CD86: variants seen among roughly 807,000 people sequenced by gnomAD.
CD86 encodes CD86 molecule.
In CD86, 11 loss-of-function variants were observed where a neutral mutation model predicts 32.1. That is an observed-to-expected ratio of 0.34 (90% CI 0.22 to 0.57). The LOEUF is 0.57. CD86 is among the 20% of genes least tolerant of loss of function. The probability of loss-of-function intolerance (pLI) is 0.86; values close to 1 mark genes in which losing one functional copy is unlikely to be tolerated. For missense variants in CD86, 359 were observed against 398.4 expected (o/e 0.90, Z 0.84); for synonymous variants, 137 against 135.3 (o/e 1.01, Z -0.09).
chr3:122,093,348 T>C (rs941263653), intron 2 of CD86, among the ~76,000 whole-genome samples: 2 of 152,158 alleles, frequency 1.3e-5, no homozygotes. Context: ...TAAATGCATA[T>C]ATACACACAG....
intron 5 of CD86, among the ~76,000 whole-genome samples, chr3:122,110,618 G>A (rs575305215): frequency 1.0e-3 from 155 of 152,288 alleles, no homozygotes; most frequent in African/African-American, 3.6e-3. Context: ...AAATTGGGGA[G>A]CAACGATCGA....
chr3:122,107,795 G>A (rs760534277), intron 4 of CD86, among the ~76,000 whole-genome samples: 1 of 152,172 alleles, frequency 6.6e-6, no homozygotes, highest in Non-Finnish European at 1.5e-5. Context: ...AACAGCCCAC[G>A]GGGCCAGTCC....
chr3:122,074,767 C>T (rs1490063035), intron 1 of CD86, among the ~76,000 whole-genome samples: 1 of 152,142 alleles, frequency 6.6e-6, no homozygotes, highest in African/African-American at 2.4e-5. Flanking sequence ...AGCCTGTCCT[C>T]CTCTGGTTGC....
At chr3:122,067,496 A>C (rs1481137309) in intron 1 of CD86, among the ~76,000 whole-genome samples, 1 of 152,272 alleles carries the variant, frequency 6.6e-6, no homozygotes, top group Non-Finnish European at 1.5e-5. Context: ...AGTCATCCCA[A>C]GAGACCAAAA....
chr3:122,090,911 TG>T (rs1407764079), intron 1 of CD86, among the ~76,000 whole-genome samples: 1 of 152,238 alleles, frequency 6.6e-6, no homozygotes, highest in East Asian at 1.9e-4. Context: ...TAAAAATTCA[TG>T]GGTTTCATCC....
intron 1 of CD86, among the ~76,000 whole-genome samples, chr3:122,078,557 C>T (rs990375797): frequency 1.2e-4 from 19 of 152,150 alleles, no homozygotes; most frequent in Non-Finnish European, 1.8e-4. Flanking sequence ...ATATTTCTTC[C>T]CATCCAAGTG....
chr3:122,119,243 G>T (rs1186280126), intron 6 of CD86, among the ~76,000 whole-genome samples, 195 bp from the exon 7 acceptor site: 1 of 152,164 alleles, frequency 6.6e-6, no homozygotes, highest in African/African-American at 2.4e-5. Context: ...AGAAATAAAG[G>T]GTAGCTCTTG....
At chr3:122,098,096 G>T (rs2072937341) in intron 2 of CD86, among the ~76,000 whole-genome samples, 1 of 152,158 alleles carries the variant, frequency 6.6e-6, no homozygotes, top group African/African-American at 2.4e-5. Context: ...ATTGCCTGTG[G>T]TCAGGTCTGA....
At position 122,109,156 on chromosome 3, in the gene CD86, C is replaced by T. The variant is rs971629105; in HGVS notation, c.704-109C>T. ...TATTGTGGATTTCAGGCTTCTCTGG[C>T]CTTAGAGCCCTGGGGAGAGGCTGGC... On this transcript the variant is annotated intron_variant, in intron 4 of 6. Transcript: ENST00000330540. The T allele has an allele frequency of 1.4e-5, 16 of 1,156,494 alleles. No individual in the cohort carries two copies. In the African/African-American group the frequency reaches 2.3e-4, roughly 17 times the overall value. 71.6% of individuals were successfully genotyped at this position (1,156,494 alleles called of 1,614,324 possible).
intron 5 of CD86, among the ~76,000 whole-genome samples, chr3:122,115,103 G>A (rs2073229909): frequency 2.0e-5 from 3 of 152,166 alleles, no homozygotes; most frequent in African/African-American, 7.2e-5. Flanking sequence ...TAATGATCAT[G>A]CTTGTAGAAA....
intron 1 of CD86, among the ~76,000 whole-genome samples, chr3:122,088,046 A>G (rs1394274756): frequency 6.6e-6 from 1 of 152,122 alleles, no homozygotes; most frequent in Non-Finnish European, 1.5e-5. Context: ...GTAAAATATA[A>G]TTTGATTTGT....
chr3:122,068,058 G>A (rs1272198735), intron 1 of CD86, among the ~76,000 whole-genome samples: 1 of 152,004 alleles, frequency 6.6e-6, no homozygotes, highest in Non-Finnish European at 1.5e-5. Flanking sequence ...GTTTTTGAAT[G>A]TGCAGTGCCC....
intron 1 of CD86, among the ~76,000 whole-genome samples, chr3:122,085,463 A>C (rs1212727451): frequency 6.6e-6 from 1 of 152,198 alleles, no homozygotes; most frequent in East Asian, 1.9e-4. Context: ...AGGTACAGAG[A>C]GTTCTTCTCT....
chr3:122,091,636 C>T lies in CD86; in HGVS notation c.50C>T (p.Ala17Val). Reference protein sequence around the residue: ...MGLSNILFVMAFLLSGAAPLK... With the variant: ...MGLSNILFVMVFLLSGAAPLK... ...CTGAGTAACATTCTCTTTGTGATGG[C>T]CTTCCTGCTCTCTGGTAAGAACCTT... Residue 17 changes from alanine (A) to valine (V), a missense_variant, in exon 2 of 7, where the codon GCC (alanine) becomes GTC (valine). Physicochemically the swap from Ala to Val is moderately conservative, Grantham distance 64. Coordinates refer to ENST00000330540, the MANE Select transcript of CD86 (RefSeq NM_175862.5). 6.2e-7 allele frequency: 1 copy of T among 1,612,828 alleles called. No homozygotes were observed. Among genetic ancestry groups the T allele is most frequent in the Non-Finnish European group, 8.5e-7 (1 of 1,178,926 alleles).
intron 1 of CD86, among the ~76,000 whole-genome samples, chr3:122,082,134 C>T (rs1441570160): frequency 1.3e-5 from 2 of 152,198 alleles, no homozygotes; most frequent in African/African-American, 4.8e-5. Flanking sequence ...AATGTCTCTT[C>T]TGTGTTATCA....
intron 5 of CD86, among the ~76,000 whole-genome samples, chr3:122,113,445 G>A (rs890056319): frequency 6.6e-6 from 1 of 152,162 alleles, no homozygotes; most frequent in Non-Finnish European, 1.5e-5. Context: ...TTTCCATAGT[G>A]TTTGTACTAG....
At chr3:122,108,789 G>T (rs558782355) in intron 4 of CD86, among the ~76,000 whole-genome samples, 1 of 152,178 alleles carries the variant, frequency 6.6e-6, no homozygotes. Flanking sequence ...AGAGGTAGGG[G>T]CCTGTGGAAG....
chr3:122,116,518 ACT>A (rs1177381314), intron 5 of CD86, among the ~76,000 whole-genome samples: 2 of 152,118 alleles, frequency 1.3e-5, no homozygotes, highest in Non-Finnish European at 1.5e-5. Flanking sequence ...AGCAACTGAA[ACT>A]CTCATATACT....
Position 122,092,636 on chromosome 3 carries a change from CAG to C in CD86, c.64+987_64+988del, listed in dbSNP as rs1290667282. 3.9e-5 allele frequency among the ~76,000 whole-genome samples: 6 copies of C among 152,276 alleles called. No homozygotes were observed. In the South Asian group the frequency reaches 6.2e-4, roughly 16 times the overall value. ...GGTCCCTGCCATGTATCCTGTGACT[CAG>C]TGTCTCGTAGTTACTCCTGGCCCAC... On this transcript the variant is annotated intron_variant, in intron 2 of 6. Transcript: ENST00000330540.
Sources: allele counts gnomAD v4.1 joint callset (sites outside exome capture counted in the v4.1 genomes callset), GRCh38; gene constraint gnomAD v4.1.1; transcripts MANE v1.5; gene names NCBI Gene and HGNC (gene_info 2026-07-23, HGNC 2026-07-21).